CHD1L: variants seen among roughly 807,000 people sequenced by gnomAD.
CHD1L encodes chromodomain helicase DNA binding protein 1 like, also known as ATP-dependent chromatin remodeler CHD1L.
CHD1L carries 118 observed loss-of-function variants against 115.9 expected under a neutral mutation model. The observed-to-expected ratio is 1.02, with a 90% CI of 0.88 to 1.19. The LOEUF (loss-of-function observed/expected upper bound fraction) is 1.19. CHD1L is among the 50% of genes most tolerant of loss of function. CHD1L has a pLI of 0.00. For synonymous variants in CHD1L, 411 were observed against 387.1 expected, an observed-to-expected ratio of 1.06 and a Z score of -0.72; for missense variants, 1,179 against 1,065.3, an observed-to-expected ratio of 1.11 and a Z score of -1.49.
chr1:147,183,946 T>A, the CHD1L span, among the ~76,000 whole-genome samples: 2 of 152,172 alleles, frequency 1.3e-5, no homozygotes, highest in African/African-American at 4.8e-5. Context: ...ACAGCTTCAA[T>A]AAAGAACATA....
intron 6 of CHD1L, among the ~76,000 whole-genome samples, chr1:147,262,519 G>A (rs1268883799): frequency 6.6e-6 from 1 of 152,092 alleles, no homozygotes; most frequent in Non-Finnish European, 1.5e-5. Flanking sequence ...AGCAGCCTTG[G>A]TTTCCTTTGT....
At chr1:147,253,529 G>A (rs115016970) in intron 2 of CHD1L, among the ~76,000 whole-genome samples, 2,242 of 152,280 alleles carry the variant, frequency 0.015, 25 homozygotes, top group Non-Finnish European at 0.023. Flanking sequence ...TTTGAGACAG[G>A]GTCTTGCTCT....
the CHD1L span, chr1:147,223,527 AC>A: frequency 6.5e-6 from 1 of 152,704 alleles, no homozygotes; most frequent in East Asian, 1.9e-4. Context: ...TTAAAAGCAA[AC>A]CCGTTCTCCT....
the CHD1L span, among the ~76,000 whole-genome samples, chr1:147,236,293 C>A: frequency 6.6e-6 from 1 of 152,242 alleles, no homozygotes; most frequent in Non-Finnish European, 1.5e-5. Context: ...CAAAGGGCTG[C>A]AGCTCCTCTC....
the CHD1L span, among the ~76,000 whole-genome samples, chr1:147,235,404 C>T: frequency 4.6e-5 from 7 of 152,266 alleles, no homozygotes; most frequent in South Asian, 1.2e-3. Context: ...ATTTTTACAA[C>T]AGCATTATAG....
At chr1:147,274,978 A>G (rs1350172545) in intron 12 of CHD1L, among the ~76,000 whole-genome samples, 2 of 152,164 alleles carry the variant, frequency 1.3e-5, no homozygotes, top group Admixed American at 6.5e-5. Context: ...TCTCATATTT[A>G]GATCTGTTTT....
intron 15 of CHD1L, among the ~76,000 whole-genome samples, chr1:147,282,995 G>T (rs1365120513): frequency 6.6e-6 from 1 of 152,198 alleles, no homozygotes; most frequent in Non-Finnish European, 1.5e-5. Context: ...TAGGAAGTAT[G>T]ATTACAAAGA....
At chr1:147,204,699 T>C in the CHD1L span, 2 of 1,541,372 alleles carry the variant, frequency 1.3e-6, no homozygotes, top group South Asian at 2.2e-5. Context: ...CAGGATGCTG[T>C]ACTTCTAGTT....
intron 19 of CHD1L, 107 bp downstream of exon 19, chr1:147,287,840 C>G: frequency 3.4e-6 from 3 of 872,282 alleles, no homozygotes; most frequent in Non-Finnish European, 5.2e-6. Flanking sequence ...ATTAGAATAA[C>G]CAGTTGGGGA....
intron 19 of CHD1L, among the ~76,000 whole-genome samples, chr1:147,288,044 G>A (rs782281450): frequency 8.5e-5 from 13 of 152,126 alleles, no homozygotes; most frequent in Admixed American, 3.3e-4. Flanking sequence ...TATTGGAATG[G>A]GCTGGACACA....
At chr1:147,267,568 G>A in intron 9 of CHD1L, 50 bp downstream of exon 9, 1 of 1,420,418 alleles carries the variant, frequency 7.0e-7, no homozygotes, top group Non-Finnish European at 9.8e-7. Context: ...ATGTTTCTGT[G>A]GCCAAATCAT....
At chr1:147,266,533 C>G (rs1673981841) in intron 8 of CHD1L, among the ~76,000 whole-genome samples, 1 of 152,234 alleles carries the variant, frequency 6.6e-6, no homozygotes, top group African/African-American at 2.4e-5. Flanking sequence ...TGAAATCTCA[C>G]TCTGTTCCAC....
rs200742936 is a variant in CHD1L at position 147,277,784 on chromosome 1, C to A, written c.1539+1527C>A. On this transcript the variant is annotated intron_variant, in intron 14 of 22. Transcript: ENST00000369258. ...TCCACAGAAAAATTATCCATAGAAC[C>A]TTAAGAGAGAGAAGGTCACTGCTGG... 7.2e-5 allele frequency among the ~76,000 whole-genome samples: 11 copies of A among 152,222 alleles called. No individual in the cohort carries two copies. The East Asian group carries it at 1.5e-3, about 21-fold the overall frequency.
intron 18 of CHD1L, 123 bp downstream of exon 18, chr1:147,286,623 G>A: frequency 3.6e-6 from 3 of 824,790 alleles, no homozygotes; most frequent in South Asian, 3.4e-5. Context: ...TCAAAAAAGT[G>A]TGAATTTTAG....
the CHD1L span, chr1:147,201,528 G>T: frequency 1.9e-6 from 3 of 1,569,532 alleles, no homozygotes; most frequent in East Asian, 6.7e-5. Context: ...CAAAGATCAA[G>T]TGGAGAAATG....
chr1:147,275,365 A>G lies in CHD1L; in HGVS notation c.1282A>G (p.Met428Val). The G allele has an allele frequency of 6.2e-7, 1 of 1,613,762 alleles. No individual in the cohort carries two copies. Among genetic ancestry groups the G allele is most frequent in the South Asian group, 1.1e-5 (1 of 91,056 alleles). ...TGCATTGTTTTCAGGTGGAGTTGGC[A>G]TGAACTTAACAGCAGCAGATACTGT... ...LLSTRAGGVG[M>V]NLTAADTVIF... Residue 428 changes from methionine (M) to valine (V), a missense_variant, in exon 13 of 23, where the codon ATG becomes GTG. By Grantham distance (21) the Met-to-Val change is conservative (BLOSUM62 1). Coordinates refer to ENST00000369258, the MANE Select transcript of CHD1L (RefSeq NM_004284.6).
At chr1:147,287,784 G>A (rs1248268815) in intron 19 of CHD1L, 51 bp downstream of exon 19, 9 of 1,444,914 alleles carry the variant, frequency 6.2e-6, no homozygotes, top group East Asian at 2.3e-5. Context: ...GAGAGAAGAG[G>A]ACACCTAAGA....
At chr1:147,289,796 G>C (rs59606861) in intron 19 of CHD1L, among the ~76,000 whole-genome samples, 2 of 152,156 alleles carry the variant, frequency 1.3e-5, no homozygotes, top group Non-Finnish European at 2.9e-5. Context: ...GGAGGATGGC[G>C]TACAGGCCAT....
the CHD1L span, among the ~76,000 whole-genome samples, chr1:147,217,976 A>T: frequency 6.6e-6 from 1 of 152,262 alleles, no homozygotes; most frequent in African/African-American, 2.4e-5. Flanking sequence ...ATCAAATTGT[A>T]TTGAGAAAGG....
Sources: allele counts gnomAD v4.1 joint callset (sites outside exome capture counted in the v4.1 genomes callset), GRCh38; gene constraint gnomAD v4.1.1; transcripts MANE v1.5; gene names NCBI Gene and HGNC (gene_info 2026-07-23, HGNC 2026-07-21).